ANKRD30B: variants seen among roughly 807,000 people sequenced by gnomAD.
ANKRD30B encodes the protein ankyrin repeat domain 30B.
ANKRD30B carries 144 observed loss-of-function variants against 202.2 expected under a neutral mutation model. The ratio of observed to expected loss-of-function variants is 0.71; its 90% confidence interval spans 0.62 to 0.82. The LOEUF is 0.82. Ranked by LOEUF, ANKRD30B falls within the 40% of genes least tolerant of loss-of-function variation. The probability of loss-of-function intolerance (pLI) is 0.00; values close to 1 mark genes in which losing one functional copy is unlikely to be tolerated. For missense variants in ANKRD30B, 1,487 were observed against 1,669.1 expected (o/e 0.89, Z 1.90); for synonymous variants, 508 against 561.3 (o/e 0.91, Z 1.34).
rs1444859620 is a variant in ANKRD30B at position 14,748,444 on chromosome 18, G to A, written c.25G>A (p.Gly9Ser). The A allele has an allele frequency of 6.6e-7, 1 of 1,523,338 alleles. No individual in the cohort carries two copies. Among genetic ancestry groups the A allele is most frequent in the East Asian group, 2.5e-5 (1 of 40,220 alleles). 94.4% of individuals were successfully genotyped at this position (1,523,338 alleles called of 1,614,324 possible). A position where few individuals can be genotyped will look rare whatever the true frequency, so the allele number is the denominator to read the frequency against. The change falls in exon 1 of 44, where the codon GGC becomes AGC. Residue 9 changes from glycine to serine, a missense_variant. By Grantham distance (56) the Gly-to-Ser change is moderately conservative. Around this residue, in one of 6 missense-constraint regions of ANKRD30B, gnomAD observed 889 missense variants for 841.4 expected, o/e 1.06. Coordinates refer to ENST00000690538, the MANE Select transcript of ANKRD30B (RefSeq NM_001367607.2). ...CATGAAGAGGCTCTTAGCTGCCGCT[G>A]GCAAGGGCGTGCGGGGCCCGGAGCC... MKRLLAAAGKGVRGPEPPN... is the reference protein window; with the variant it reads MKRLLAAASKGVRGPEPPN...
rs945446615 is a variant in ANKRD30B, at chr18:14,848,727, C to G, written c.3193C>G (p.Leu1065Val). The G allele has an allele frequency of 1.3e-6, 2 of 1,541,532 alleles. No homozygotes were observed. The highest frequency in any genetic ancestry group is 1.2e-5 in the South Asian group (1 of 80,760). The change falls in exon 40 of 44, where the codon CTA (leucine) becomes GTA (valine). Residue 1065 changes from leucine to valine, a missense_variant. By Grantham distance (32) the Leu-to-Val change is conservative (BLOSUM62 1). Coordinates refer to ENST00000690538, the MANE Select transcript of ANKRD30B (RefSeq NM_001367607.2). ...KQTLRADSTT[L>V]SKILDALPSC... The stretch of plus-strand genomic sequence containing the variant: ...CCTCCTTGAGACAGATTCAACTACC[C>G]TATCAAAAATCTTGGATGCACTTCC...
At position 14,784,340 on chromosome 18, in the gene ANKRD30B, T is replaced by G; in HGVS notation, c.1575T>G (p.Leu525=). Residue 525 remains leucine (L), a synonymous_variant, in exon 13 of 44, where the codon CTT becomes CTG. Coordinates refer to ENST00000690538, the MANE Select transcript of ANKRD30B (RefSeq NM_001367607.2). The part of the protein sequence containing the change: ...VMEINREVEE[L]PEKPSAFKPA... ...TAAATCTCTTTTGCATTTTAGAGCT[T>G]CCTGAGAAGCCATCTGCCTTCAAGG... 1 of 1,612,544 alleles carries G rather than the reference T, an allele frequency of 6.2e-7. No individual in the cohort carries two copies. The highest frequency in any genetic ancestry group is 1.1e-5 in the South Asian group (1 of 91,026).
At chr18:14,796,476 G>T in intron 18 of ANKRD30B, 61 bp downstream of exon 18, 3 of 1,475,086 alleles carry the variant, frequency 2.0e-6, no homozygotes, top group Non-Finnish European at 2.7e-6. Context: ...TTGAAATGCC[G>T]AGAGGCTTTT....
At chr18:14,861,308 C>G in the ANKRD30B span, among the ~76,000 whole-genome samples, 3 of 152,054 alleles carry the variant, frequency 2.0e-5, no homozygotes, top group Admixed American at 6.5e-5. Flanking sequence ...CTGAAATGCT[C>G]CACTGAATAG....
chr18:14,896,217 C>T, the ANKRD30B span, among the ~76,000 whole-genome samples: 11 of 151,792 alleles, frequency 7.2e-5, no homozygotes, highest in Non-Finnish European at 1.5e-4. Context: ...CTGCAAGCTC[C>T]GCCTCCCAGG....
rs762185417 is a variant in ANKRD30B at position 14,851,723 on chromosome 18, C to T, written c.3779C>T (p.Ala1260Val). ...KLKQKTVTKR[A>V]SQYREQLKVL... ...AAACAGAAAACAGTAACAAAAAGGG[C>T]ATCTCAGTATAGAGAGCAGCTTAAA... is the stretch of plus-strand genomic sequence containing the variant. Residue 1260 changes from alanine to valine, a missense_variant, in exon 42 of 44, where the codon GCA becomes GTA. By Grantham distance (64) the Ala-to-Val change is moderately conservative. Around this residue, in one of 6 missense-constraint regions of ANKRD30B, gnomAD observed 21 missense variants for 57.2 expected, o/e 0.37. Transcript: ENST00000690538. 3.1e-6 allele frequency: 5 copies of T among 1,610,206 alleles called. No homozygotes were observed. Among genetic ancestry groups the T allele is most frequent in the Middle Eastern group, 1.7e-4 (1 of 6,044 alleles).
chr18:14,779,407 C>G (rs961639926), intron 10 of ANKRD30B, among the ~76,000 whole-genome samples: 1 of 152,176 alleles, frequency 6.6e-6, no homozygotes, highest in African/African-American at 2.4e-5. Context: ...AGTACAAGTT[C>G]TTTAAGCTTA....
the ANKRD30B span, among the ~76,000 whole-genome samples, chr18:14,873,597 T>G: frequency 6.6e-6 from 1 of 151,810 alleles, no homozygotes; most frequent in Non-Finnish European, 1.5e-5. Context: ...TGGCTTCTGC[T>G]ATTTCTGAGA....
the ANKRD30B span, among the ~76,000 whole-genome samples, chr18:14,912,195 C>T: frequency 6.6e-6 from 1 of 152,174 alleles, no homozygotes; most frequent in Non-Finnish European, 1.5e-5. Context: ...TGTTTTGCTT[C>T]AGTTCTTAGA....
intron 34 of ANKRD30B, among the ~76,000 whole-genome samples, chr18:14,834,912 A>G: frequency 6.6e-6 from 1 of 151,964 alleles, no homozygotes; most frequent in Non-Finnish European, 1.5e-5. Context: ...TAGAATGCAA[A>G]GTGAAATCTG....
the ANKRD30B span, among the ~76,000 whole-genome samples, chr18:14,894,174 CT>C: frequency 9.4e-4 from 143 of 152,174 alleles, 1 homozygote; most frequent in East Asian, 0.017. Context: ...TTTATCTAAA[CT>C]TTTTTTTCTG....
At chr18:14,764,734 T>C (rs1915830414) in intron 7 of ANKRD30B, among the ~76,000 whole-genome samples, 1 of 152,160 alleles carries the variant, frequency 6.6e-6, no homozygotes, top group African/African-American at 2.4e-5. Context: ...CCAATCATCA[T>C]GCTCTCTCAA....
chr18:14,842,903 C>T lies in ANKRD30B; in HGVS notation c.3086C>T (p.Pro1029Leu). 1 of 1,548,264 alleles carries T rather than the reference C, an allele frequency of 6.5e-7. No individual in the cohort carries two copies. The highest frequency in any genetic ancestry group is 2.5e-5 in the East Asian group (1 of 40,716). Reference sequence around the variant, plus strand: ...AATCTCTTTTGCTTTTTAGAGTCTCCTGAAAAGCCTTCTCACTTTGAGGTA... The same window carrying T: ...AATCTCTTTTGCTTTTTAGAGTCTCTTGAAAAGCCTTCTCACTTTGAGGTA... ...KTTNGKIEES[P>L]EKPSHFEPAT... Residue 1029 changes from proline to leucine, a missense_variant, in exon 38 of 44, where the codon CCT becomes CTT. Coordinates refer to ENST00000690538, the MANE Select transcript of ANKRD30B (RefSeq NM_001367607.2).
the ANKRD30B span, among the ~76,000 whole-genome samples, chr18:14,893,265 G>A: frequency 6.8e-4 from 104 of 152,146 alleles, no homozygotes; most frequent in African/African-American, 2.5e-3. Flanking sequence ...CTTTTGTTCA[G>A]TTGCAGTGTG....
At chr18:14,783,896 A>T (rs112373201) in intron 12 of ANKRD30B, among the ~76,000 whole-genome samples, 1 of 152,170 alleles carries the variant, frequency 6.6e-6, no homozygotes, top group African/African-American at 2.4e-5. Flanking sequence ...TCAATTCATA[A>T]CACTTCACTG....
chr18:14,880,167 C>T, the ANKRD30B span, among the ~76,000 whole-genome samples: 1 of 152,072 alleles, frequency 6.6e-6, no homozygotes, highest in Non-Finnish European at 1.5e-5. Flanking sequence ...TTTTTGTTTA[C>T]TTTGTCGAAG....
chr18:14,877,847 G>GGCTT, the ANKRD30B span: 1 of 152,184 alleles, frequency 6.6e-6, no homozygotes, highest in Admixed American at 6.5e-5. Context: ...AGAGAGCCCT[G>GGCTT]GCTTTGTGGG....
the ANKRD30B span, among the ~76,000 whole-genome samples, chr18:14,866,311 C>T: frequency 6.6e-6 from 1 of 152,094 alleles, no homozygotes; most frequent in African/African-American, 2.4e-5. Flanking sequence ...ACAGAGATGG[C>T]AGTGTGGCTG....
chr18:14,815,683 A>G lies in ANKRD30B; in HGVS notation c.2641+972A>G, dbSNP rs993603912. Among the ~76,000 whole-genome samples, 5 of 152,222 alleles carry G rather than the reference A, an allele frequency of 3.3e-5. No homozygotes were observed. The East Asian group carries it at 7.7e-4, about 23-fold the overall frequency. On this transcript the variant is annotated intron_variant, in intron 30 of 43. Coordinates refer to ENST00000690538, the MANE Select transcript of ANKRD30B (RefSeq NM_001367607.2). ...AAAATTCTGAATTTATTGCTTGAAT[A>G]CCTAAATTGTTCTTATTCATAGGTA...
Sources: allele counts gnomAD v4.1 joint callset (sites outside exome capture counted in the v4.1 genomes callset), GRCh38; gene constraint gnomAD v4.1.1; regional missense constraint gnomAD v4.1.1; transcripts MANE v1.5; gene names NCBI Gene and HGNC (gene_info 2026-07-23, HGNC 2026-07-21).